Variants in FBN3 observed in about 807,000 individuals in gnomAD.
FBN3 encodes fibrillin-3.
A neutral mutation model predicts 330.1 loss-of-function variants in FBN3; 234 were observed. That is an observed-to-expected ratio of 0.71 (90% CI 0.64 to 0.79). FBN3 has a LOEUF of 0.79. Among genes scored for constraint, FBN3 ranks in the 30% least tolerant of loss-of-function variants. FBN3 has a pLI of 0.00. For synonymous variants in FBN3, 1,458 were observed against 1,517.3 expected (o/e 0.96, Z 0.91); for missense variants, 3,606 against 3,886.9 (o/e 0.93, Z 1.92).
chr19:8,136,470 A>G lies in FBN3; in HGVS notation c.1263T>C (p.Asn421=). Residue 421 remains asparagine (N), a synonymous_variant, in exon 11 of 64, where the codon AAT becomes AAC. Coordinates refer to ENST00000600128, the MANE Select transcript of FBN3 (RefSeq NM_032447.5). ...TGGAAGGCGTGGGCAGGCAGCGGCC[A>G]TTCAGACACAGGTTGGTGAAGTGTC... ...ICRHFTNLCL[N]GRCLPTPSSY... is the part of the protein sequence containing the mutation. The G allele has an allele frequency of 6.2e-7, 1 of 1,614,188 alleles. No homozygotes were observed. The highest frequency in any genetic ancestry group is 8.5e-7 in the Non-Finnish European group (1 of 1,180,000).
Position 8,131,797 on chromosome 19 carries a change from C to G in FBN3, c.1747G>C (p.Val583Leu). 1 of 1,604,760 alleles carries G rather than the reference C, an allele frequency of 6.2e-7. No homozygotes were observed. The highest frequency in any genetic ancestry group is 2.2e-5 in the East Asian group (1 of 44,620). ...TCGGTGTTGGTACAGTGGCCGTTCA[C>G]GCAGATGCCGGGCGTCTGGCACTCG... ...IDECQTPGIC[V>L]NGHCTNTEGS... The change falls in exon 15 of 64, where the codon GTG (valine) becomes CTG (leucine). Residue 583 changes from valine (V) to leucine (L), a missense_variant. Coordinates refer to ENST00000600128, the MANE Select transcript of FBN3 (RefSeq NM_032447.5). The surrounding 1 kb of genome is among the most constrained non-coding windows in gnomAD (Gnocchi z 4.5).
At chr19:8,090,389 T>C in intron 48 of FBN3, 138 bp from the exon 49 acceptor site, 1 of 913,802 alleles carries the variant, frequency 1.1e-6, no homozygotes, top group Non-Finnish European at 1.7e-6. Flanking sequence ...GCCATGCCCC[T>C]GGTCATGGTG....
chr19:8,096,860 C>T lies in FBN3; in HGVS notation c.5413+21G>A. Reference sequence around the variant, plus strand: ...GTGACAGAGCCCAGCTCCCTCACCTCCTCCCAGGGACCCTGCTCACCCACA... The same window carrying T: ...GTGACAGAGCCCAGCTCCCTCACCTTCTCCCAGGGACCCTGCTCACCCACA... On this transcript the variant is annotated intron_variant, in intron 43 of 63. Transcript: ENST00000600128. This position sits in a 1 kb window ranked among gnomAD's most constrained non-coding sequence, Gnocchi z 4.6. The T allele has an allele frequency of 1.2e-6, 2 of 1,610,590 alleles. No homozygotes were observed. The highest frequency in any genetic ancestry group is 1.7e-6 in the Non-Finnish European group (2 of 1,179,410).
At position 8,108,205 on chromosome 19, in the gene FBN3, C is replaced by G. The variant is rs760733746; in HGVS notation, c.4652G>C (p.Gly1551Ala). ...GACAGTGATGCGGTTAGGCTGGAAG[C>G]CCTCACCACCCGGGCACAGGGTTCT... The part of the protein sequence containing the change: ...EYRTLCPGGE[G>A]FQPNRITVIL... Residue 1551 changes from glycine (G) to alanine (A), a missense_variant, in exon 37 of 64, where the codon GGC becomes GCC. By Grantham distance (60) the Gly-to-Ala change is moderately conservative. Transcript: ENST00000600128. 1 of 1,612,848 alleles carries G rather than the reference C, an allele frequency of 6.2e-7. No homozygotes were observed. The highest frequency in any genetic ancestry group is 1.7e-4 in the Middle Eastern group (1 of 6,052).
intron 13 of FBN3, 25 bp downstream of exon 13, chr19:8,135,936 G>GGGGGGGCCCCCCCCCCCCCC: frequency 1.5e-6 from 1 of 668,778 alleles, no homozygotes; most frequent in Non-Finnish European, 2.4e-6. Flanking sequence ...GGAAGCCCCT[G>GGGGGGGCCCCCCCCCCCCCC]CCCACCCGCC....
At chr19:8,142,235 AC>A in intron 6 of FBN3, 98 bp from the exon 7 acceptor site, 1 of 908,572 alleles carries the variant, frequency 1.1e-6, no homozygotes, top group Non-Finnish European at 1.7e-6. Context: ...GCACCCACAG[AC>A]CAGGCTTTAC....
In FBN3 at chr19:8,109,659, C is replaced by T. The variant is rs766196242; in HGVS notation, c.4428G>A (p.Glu1476=). Reference sequence around the variant, plus strand: ...CGCAGCCCACTCCGCTGGGGTTCAGCTCAAAATCCTGGGGGCAGCTGCAGA... The same window carrying T: ...CGCAGCCCACTCCGCTGGGGTTCAGTTCAAAATCCTGGGGGCAGCTGCAGA... ...SYLCSCPQDF[E]LNPSGVGCVD... Residue 1476 remains glutamate, a synonymous_variant, in exon 35 of 64, where the codon GAG becomes GAA. Coordinates refer to ENST00000600128, the MANE Select transcript of FBN3 (RefSeq NM_032447.5). This position sits in a 1 kb window ranked among gnomAD's most constrained non-coding sequence, Gnocchi z 5.2. 6.3e-7 allele frequency: 1 copy of T among 1,586,924 alleles called. No homozygotes were observed. Among genetic ancestry groups the T allele is most frequent in the Non-Finnish European group, 8.6e-7 (1 of 1,167,272 alleles).
intron 59 of FBN3, among the ~76,000 whole-genome samples, chr19:8,076,247 C>CATGTGTATGTGTGTGTGTGTGTGT (rs60725609): frequency 4.1e-5 from 6 of 147,646 alleles, no homozygotes; most frequent in African/African-American, 1.5e-4. Context: ...TGTCCGTGTG[C>CATGTGTATGTGTGTGTGTGTGTGT]GTGTGTGTGT....
chr19:8,092,695 G>A (rs2082122016), intron 47 of FBN3, among the ~76,000 whole-genome samples: 1 of 115,558 alleles, frequency 8.7e-6, no homozygotes, highest in South Asian at 3.1e-4. Flanking sequence ...GGGTGACAGA[G>A]TGAGACTCCA....
At chr19:8,095,928 C>T (rs10404258) in intron 45 of FBN3, 36 bp downstream of exon 45, 881,606 of 1,351,426 alleles carry the variant, frequency 0.65, 292,300 homozygotes, top group East Asian at 0.91. Flanking sequence ...TCTGAGAACC[C>T]ACTTTGTGGC....
chr19:8,103,662 G>T lies in FBN3; in HGVS notation c.4839C>A (p.Ser1613=). The T allele has an allele frequency of 6.2e-7, 1 of 1,613,428 alleles. No homozygotes were observed. The change falls in exon 39 of 64, where the codon TCC becomes TCA. Residue 1613 remains serine, a synonymous_variant. Coordinates refer to ENST00000600128, the MANE Select transcript of FBN3 (RefSeq NM_032447.5). ...AGCAGGTGCCAGGGCCACAGATGCC[G>T]GAGTGTGTGGAGCATTCGTCAATAT... is the stretch of plus-strand genomic sequence containing the variant. ...CEDIDECSTH[S]GICGPGTCYN...
Position 8,095,991 on chromosome 19 carries a change from C to G in FBN3, c.5629G>C (p.Val1877Leu). ...SYNCLCFPGF[V>L]VTHNGDCVDF... Reference sequence around the variant, plus strand: ...ACACAATCCCCATTGTGTGTCACCACAAAGCCAGGGAAGCAGAGGCAGTTG... The same window carrying G: ...ACACAATCCCCATTGTGTGTCACCAGAAAGCCAGGGAAGCAGAGGCAGTTG... The change falls in exon 45 of 64, where the codon GTG becomes CTG. Residue 1877 changes from valine (V) to leucine (L), a missense_variant. Coordinates refer to ENST00000600128, the MANE Select transcript of FBN3 (RefSeq NM_032447.5). 1 of 1,613,848 alleles carries G rather than the reference C, an allele frequency of 6.2e-7. No individual in the cohort carries two copies. The highest frequency in any genetic ancestry group is 8.5e-7 in the Non-Finnish European group (1 of 1,179,740).
At chr19:8,138,669 C>A (rs1360412958) in intron 8 of FBN3, 105 bp from the exon 9 acceptor site, 3 of 1,171,998 alleles carry the variant, frequency 2.6e-6, no homozygotes, top group African/African-American at 1.5e-5. Flanking sequence ...GGTCTGTTTG[C>A]CGCTCTGTGC....
chr19:8,085,808 A>G (rs1000862229), intron 55 of FBN3, among the ~76,000 whole-genome samples: 2 of 151,908 alleles, frequency 1.3e-5, no homozygotes, highest in Non-Finnish European at 2.9e-5. Context: ...TGGAGGAGGC[A>G]TGGAGGGAGC....
chr19:8,145,550 G>A (rs1205782517), intron 5 of FBN3, among the ~76,000 whole-genome samples: 1 of 150,472 alleles, frequency 6.6e-6, no homozygotes, highest in Non-Finnish European at 1.5e-5. Context: ...GCAAGGTGGC[G>A]GGCACCTGTA....
At chr19:8,095,604 G>A (rs534608644) in intron 45 of FBN3, 101 bp from the exon 46 acceptor site, 24 of 1,302,420 alleles carry the variant, frequency 1.8e-5, no homozygotes, top group Non-Finnish European at 2.6e-5. Flanking sequence ...GACAGCATTG[G>A]CTTCAACTTG....
At chr19:8,146,447 T>C (rs948594407) in intron 3 of FBN3, among the ~76,000 whole-genome samples, 10 of 152,202 alleles carry the variant, frequency 6.6e-5, no homozygotes, top group African/African-American at 2.2e-4. Flanking sequence ...TTGGGGACTC[T>C]GCTAGAGCCA....
intron 62 of FBN3, among the ~76,000 whole-genome samples, chr19:8,072,830 C>G (rs998604302): frequency 1.3e-5 from 2 of 152,046 alleles, no homozygotes; most frequent in African/African-American, 4.8e-5. Context: ...CATGTGAGTG[C>G]TGTGAGGATG....
Position 8,083,365 on chromosome 19 carries a change from A to G in FBN3, c.7095T>C (p.Asp2365=). The change falls in exon 57 of 64, where the codon GAT becomes GAC. Residue 2365 remains aspartate, a synonymous_variant. Transcript: ENST00000600128. ...ACAGGTGAGCAAGCATACGGCATTC[A>G]TCTACATCTGGGAAAAAGTAGGGTG... ...SGYTAEGRDV[D]ECRMLAHLCA... is the part of the protein sequence containing the mutation. 1 of 1,613,998 alleles carries G rather than the reference A, an allele frequency of 6.2e-7. No individual in the cohort carries two copies. The highest frequency in any genetic ancestry group is 1.6e-4 in the Middle Eastern group (1 of 6,062).
Sources: allele counts gnomAD v4.1 joint callset (sites outside exome capture counted in the v4.1 genomes callset), GRCh38; gene constraint gnomAD v4.1.1; non-coding constraint Gnocchi (gnomAD v3.1); transcripts MANE v1.5; gene names NCBI Gene and HGNC (gene_info 2026-07-23, HGNC 2026-07-21).